Variants in DRC11L observed in about 807,000 individuals in gnomAD.
DRC11L encodes dynein regulatory complex subunit like-11.
chr7:151,197,375 A>T, the DRC11L span: 1 of 398,738 alleles, frequency 2.5e-6, no homozygotes, highest in African/African-American at 2.1e-5. Flanking sequence ...AGGGGATTTT[A>T]CAGAAGAGAG....
At chr7:151,196,887 G>A in the DRC11L span, 1 of 398,958 alleles carries the variant, frequency 2.5e-6, no homozygotes, top group Non-Finnish European at 4.4e-6. Flanking sequence ...CCACTTCATG[G>A]TCCGTGTGCA....
chr7:151,194,607 G>A, the DRC11L span: 2 of 399,454 alleles, frequency 5.0e-6, no homozygotes, highest in Non-Finnish European at 8.8e-6. Context: ...ACCTGGCAGA[G>A]GATGGCACAG....
At chr7:151,200,413 G>GT in the DRC11L span, 2 of 399,224 alleles carry the variant, frequency 5.0e-6, no homozygotes. Context: ...CCATTCGCCG[G>GT]TCCTGCTGAG....
At chr7:151,196,603 A>G in the DRC11L span, 4 of 399,598 alleles carry the variant, frequency 1.0e-5, no homozygotes, top group Non-Finnish European at 1.8e-5. Context: ...TGCCGGGTGC[A>G]TACACACATG....
chr7:151,200,446 T>C, the DRC11L span: 1 of 399,166 alleles, frequency 2.5e-6, no homozygotes, highest in African/African-American at 2.1e-5. Flanking sequence ...GCAGATAGCC[T>C]TTCCACACCT....
Sources: allele counts gnomAD v4.1 joint callset, GRCh38; gene constraint gnomAD v4.1.1; transcripts MANE v1.5; gene names NCBI Gene and HGNC (gene_info 2026-07-23, HGNC 2026-07-21).